The following PGPEP1L variants were observed in gnomAD, a reference collection of about 807,000 sequenced individuals.
PGPEP1L encodes the protein pyroglutamyl-peptidase 1-like protein.
PGPEP1L carries 7 observed loss-of-function variants against 6.0 expected under a neutral mutation model. The observed-to-expected ratio is 1.17, with a 90% CI of 0.66 to 2.19. The LOEUF is 2.19. PGPEP1L is among the 30% of genes most tolerant of loss of function. PGPEP1L has a pLI of 0.00. For missense variants in PGPEP1L, 209 were observed against 192.5 expected (o/e 1.09, Z -0.51); for synonymous variants, 103 against 83.9 (o/e 1.23, Z -1.24).
At chr15:98,994,086 T>C (rs2017855341) in intron 2 of PGPEP1L, among the ~76,000 whole-genome samples, 2 of 151,000 alleles carry the variant, frequency 1.3e-5, no homozygotes, top group Admixed American at 1.3e-4. Context: ...GCCAACATGG[T>C]GAAACCCCGT....
chr15:98,995,213 TTC>T lies in PGPEP1L; in HGVS notation c.-142+10214_-142+10215del, dbSNP rs1416131685. On this transcript the variant is annotated intron_variant, in intron 2 of 4. Coordinates refer to ENST00000535714, the MANE Select transcript of PGPEP1L (RefSeq NM_001167902.2). The stretch of plus-strand genomic sequence containing the variant: ...TCACATTTTATCGTCCACATTTATT[TTC>T]TGTCTTCTTTCTGTATCTCCTTATG... Among the ~76,000 whole-genome samples, 3 of 152,242 alleles carry T rather than the reference TTC, an allele frequency of 2.0e-5. No homozygotes were observed. The East Asian group carries it at 5.8e-4, about 29-fold the overall frequency.
chr15:98,969,699 C>T (rs1202679866), intron 3 of PGPEP1L, 48 bp from the exon 4 acceptor site: 4 of 1,580,404 alleles, frequency 2.5e-6, no homozygotes, highest in South Asian at 2.2e-5. Flanking sequence ...ACGAGGCCCA[C>T]CCTGCTCACC....
chr15:99,005,192 C>T (rs1489384383), intron 2 of PGPEP1L, among the ~76,000 whole-genome samples: 1 of 152,226 alleles, frequency 6.6e-6, no homozygotes, highest in Admixed American at 6.5e-5. Flanking sequence ...TCGTGCCCGC[C>T]ACTCGAGAGT....
intron 2 of PGPEP1L, among the ~76,000 whole-genome samples, chr15:99,004,944 A>T (rs1345878781): frequency 6.7e-6 from 1 of 150,168 alleles, no homozygotes; most frequent in Non-Finnish European, 1.5e-5. Flanking sequence ...GGAAGTTCTT[A>T]CTCTGGAAGT....
At chr15:98,978,885 A>G (rs1157899156) in intron 2 of PGPEP1L, among the ~76,000 whole-genome samples, 4 of 151,466 alleles carry the variant, frequency 2.6e-5, no homozygotes, top group Non-Finnish European at 2.9e-5. Flanking sequence ...ACGCGCCATC[A>G]CGCCCAGTTA....
chr15:98,979,061 T>C (rs187488115), intron 2 of PGPEP1L, among the ~76,000 whole-genome samples: 58 of 152,026 alleles, frequency 3.8e-4, no homozygotes, highest in African/African-American at 1.4e-3. Flanking sequence ...TTTTATTACA[T>C]TTATGGCAGC....
At chr15:98,974,847 A>G (rs1168946190) in intron 2 of PGPEP1L, among the ~76,000 whole-genome samples, 1 of 152,194 alleles carries the variant, frequency 6.6e-6, no homozygotes, top group African/African-American at 2.4e-5. Context: ...CAGTGAGCCA[A>G]AATCGCACCA....
At chr15:98,981,129 A>G (rs550127975) in intron 2 of PGPEP1L, among the ~76,000 whole-genome samples, 1 of 152,088 alleles carries the variant, frequency 6.6e-6, no homozygotes, top group African/African-American at 2.4e-5. Flanking sequence ...AAGCAGCAGA[A>G]AAGTCCCAAT....
Position 98,968,602 on chromosome 15 carries a change from G to T in PGPEP1L, c.305C>A (p.Ala102Asp). 6.2e-7 allele frequency: 1 copy of T among 1,609,918 alleles called. No individual in the cohort carries two copies. The highest frequency in any genetic ancestry group is 8.5e-7 in the Non-Finnish European group (1 of 1,178,152). The change falls in exon 5 of 5, where the codon GCC becomes GAC. Residue 102 changes from alanine to aspartate, a missense_variant. Coordinates refer to ENST00000535714, the MANE Select transcript of PGPEP1L (RefSeq NM_001167902.2). ...HVPPLSRGLP[A>D]SLLGRALRVI... ...TCTCAAGGCTCTTCCCAGCAGGCTG[G>T]CCGGGAGCCCGCGCGATAGTGGAGG...
At chr15:98,971,193 ATG>A (rs2017489844) in intron 2 of PGPEP1L, 35 bp from the exon 3 acceptor site, 1 of 400,424 alleles carries the variant, frequency 2.5e-6, no homozygotes. Flanking sequence ...GCCTCAGTTG[ATG>A]GGGGGGGGGG....
intron 3 of PGPEP1L, 139 bp downstream of exon 3, chr15:98,970,897 G>A: frequency 1.6e-6 from 2 of 1,254,210 alleles, no homozygotes; most frequent in East Asian, 5.0e-5. Context: ...TACACAATCA[G>A]CTGGGACCTT....
intron 2 of PGPEP1L, among the ~76,000 whole-genome samples, chr15:98,980,976 G>A (rs7165739): frequency 6.6e-6 from 1 of 151,664 alleles, no homozygotes; most frequent in African/African-American, 2.4e-5. Context: ...AGAGAGGCCT[G>A]ACAAACACTC....
At chr15:99,005,004 C>T (rs2018029435) in intron 2 of PGPEP1L, among the ~76,000 whole-genome samples, 1 of 151,896 alleles carries the variant, frequency 6.6e-6, no homozygotes, top group East Asian at 1.9e-4. Context: ...GGTTTGCAAG[C>T]CTTGTGAGGG....
At chr15:99,006,008 A>G (rs1555473574) in intron 1 of PGPEP1L, among the ~76,000 whole-genome samples, 1 of 152,216 alleles carries the variant, frequency 6.6e-6, no homozygotes, top group Non-Finnish European at 1.5e-5. Context: ...TTGCTCTGAA[A>G]ACTAATTCCA....
At chr15:98,992,465 A>G (rs1169423873) in intron 2 of PGPEP1L, among the ~76,000 whole-genome samples, 1 of 152,218 alleles carries the variant, frequency 6.6e-6, no homozygotes, top group Non-Finnish European at 1.5e-5. Flanking sequence ...AACAAATGGA[A>G]AAACATTGCA....
At position 98,975,922 on chromosome 15, in the gene PGPEP1L, A is replaced by G. The variant is rs564550831; in HGVS notation, c.-141-4764T>C. Among the ~76,000 whole-genome samples, 5 of 150,752 alleles carry G rather than the reference A, an allele frequency of 3.3e-5. No homozygotes were observed. The South Asian group carries it at 1.0e-3, about 31-fold the overall frequency. ...TAAATATGTACAACTATTATGTATT[A>G]AGAAAAAAATTGAAAAGAAAAGATG... On this transcript the variant is annotated intron_variant, in intron 2 of 4. Coordinates refer to ENST00000535714, the MANE Select transcript of PGPEP1L (RefSeq NM_001167902.2).
At chr15:98,978,709 T>A (rs1431925916) in intron 2 of PGPEP1L, among the ~76,000 whole-genome samples, 3 of 34,964 alleles carry the variant, frequency 8.6e-5, no homozygotes, top group Non-Finnish European at 1.4e-4. Context: ...AGACTGTGTA[T>A]ATATATATAT....
chr15:99,000,437 G>T (rs2017949136), intron 2 of PGPEP1L, among the ~76,000 whole-genome samples: 1 of 152,240 alleles, frequency 6.6e-6, no homozygotes, highest in African/African-American at 2.4e-5. Flanking sequence ...CCCCAGTGCG[G>T]GATCCACAGG....
intron 2 of PGPEP1L, among the ~76,000 whole-genome samples, chr15:98,986,843 C>T (rs532001899): frequency 6.6e-6 from 1 of 152,236 alleles, no homozygotes; most frequent in South Asian, 2.1e-4. Flanking sequence ...TTGTGCTCCA[C>T]ATCAGGAATG....
Sources: gnomAD v4.1 joint callset for allele counts (sites outside exome capture counted in the v4.1 genomes callset) on GRCh38, gnomAD v4.1.1 for gene constraint, MANE v1.5 for transcripts, NCBI Gene and HGNC (gene_info 2026-07-23, HGNC 2026-07-21) for gene names.